RASGRP1: variants seen among roughly 807,000 people sequenced by gnomAD.
The protein encoded by RASGRP1 is RAS guanyl-releasing protein 1.
RASGRP1 carries 37 observed loss-of-function variants against 95.1 expected under a neutral mutation model. The observed-to-expected ratio is 0.39, with a 90% CI of 0.30 to 0.51. RASGRP1 has a LOEUF of 0.51. RASGRP1 is among the 20% of genes least tolerant of loss of function. The pLI is 0.80. For missense variants in RASGRP1, 711 were observed against 965.4 expected, an observed-to-expected ratio of 0.74 and a Z score of 3.49; for synonymous variants, 325 against 353.4, an observed-to-expected ratio of 0.92 and a Z score of 0.90.
chr15:38,523,497 T>G (rs1892077814), intron 3 of RASGRP1, among the ~76,000 whole-genome samples: 1 of 152,226 alleles, frequency 6.6e-6, no homozygotes, highest in Admixed American at 6.5e-5. Flanking sequence ...TAACATAAAG[T>G]CACAGTAAGC....
chr15:38,525,602 G>T (rs1296986753), intron 3 of RASGRP1, among the ~76,000 whole-genome samples: 1 of 152,274 alleles, frequency 6.6e-6, no homozygotes, highest in East Asian at 1.9e-4. Context: ...GAAACGCGGG[G>T]AATTAGGAGA....
In RASGRP1 at chr15:38,499,259, G is replaced by T. The variant is rs192042753; in HGVS notation, c.1721-313C>A. 306 of 458,094 alleles carry T rather than the reference G, an allele frequency of 6.7e-4. 1 individual carries two copies. Among genetic ancestry groups the T allele is most frequent in the Middle Eastern group, 2.6e-3 (7 of 2,666 alleles). The allele number at this position is 458,094 out of a possible 1,614,324, so 28.4% of individuals were successfully genotyped here. On this transcript the variant is annotated intron_variant, in intron 14 of 16. Transcript: ENST00000310803. Reference sequence around the variant, plus strand: ...TAGGGAGACCCTCCGGAAACACTCAGCTGTTAGGTCTTATTTTCTTTCTTG... The same window carrying T: ...TAGGGAGACCCTCCGGAAACACTCATCTGTTAGGTCTTATTTTCTTTCTTG...
At chr15:38,526,817 C>G (rs899801235) in intron 2 of RASGRP1, among the ~76,000 whole-genome samples, 2 of 152,100 alleles carry the variant, frequency 1.3e-5, no homozygotes, top group Non-Finnish European at 2.9e-5. Context: ...AATATCTTAC[C>G]TTTACAAATT....
intron 2 of RASGRP1, among the ~76,000 whole-genome samples, chr15:38,543,524 C>T (rs559130237): frequency 4.1e-4 from 60 of 146,068 alleles, no homozygotes; most frequent in Admixed American, 3.2e-3. Flanking sequence ...CCTTTCATGT[C>T]CATTTAAACT....
intron 16 of RASGRP1, among the ~76,000 whole-genome samples, chr15:38,491,268 C>G (rs1359529469): frequency 6.6e-6 from 1 of 152,114 alleles, no homozygotes; most frequent in African/African-American, 2.4e-5. Flanking sequence ...ACTGATTACT[C>G]CAAGAGAATA....
chr15:38,512,561 C>T (rs1891577406), intron 7 of RASGRP1, among the ~76,000 whole-genome samples: 1 of 152,164 alleles, frequency 6.6e-6, no homozygotes, highest in South Asian at 2.1e-4. Context: ...ATCCTGACCC[C>T]TGATATGGCC....
In RASGRP1 at chr15:38,535,847, C is replaced by T. The variant is rs547266646; in HGVS notation, c.221-9443G>A. Among the ~76,000 whole-genome samples, 4 of 152,294 alleles carry T rather than the reference C, an allele frequency of 2.6e-5. No homozygotes were observed. The South Asian group carries it at 6.2e-4, about 24-fold the overall frequency. ...TGGCCTTCCTTGGGGATTGCAGTCT[C>T]GATCTGGACTTGTCATGTCTGAAGA... On this transcript the variant is annotated intron_variant, in intron 2 of 16. Coordinates refer to ENST00000310803, the MANE Select transcript of RASGRP1 (RefSeq NM_005739.4).
rs769765288 is a variant in RASGRP1 at position 38,516,343 on chromosome 15, G to C, written c.529C>G (p.Arg177Gly). The part of the protein sequence containing the change: ...RLIDTTQINA[R>G]DWSRKLTQRI... ...TGAGTAAGTTTCCTGGACCAGTCAC[G>C]GGCATTGCTTTTGTGGGTAAATGTG... The change falls in exon 6 of 17, where the codon CGT becomes GGT. Residue 177 changes from arginine to glycine, a missense_variant. Coordinates refer to ENST00000310803, the MANE Select transcript of RASGRP1 (RefSeq NM_005739.4). The C allele has an allele frequency of 1.2e-6, 2 of 1,610,432 alleles. No individual in the cohort carries two copies. Among genetic ancestry groups the C allele is most frequent in the Non-Finnish European group, 1.7e-6 (2 of 1,176,782 alleles).
chr15:38,508,857 ACTGT>A (rs1891374265), intron 8 of RASGRP1, among the ~76,000 whole-genome samples: 1 of 152,194 alleles, frequency 6.6e-6, no homozygotes, highest in African/African-American at 2.4e-5. Context: ...ACATGAAGTG[ACTGT>A]CTGCCAATCA....
At position 38,489,565 on chromosome 15, in the gene RASGRP1, ACAGT is replaced by A. The variant is rs746542956; in HGVS notation, c.*985_*988del. 20 of 152,626 alleles carry A rather than the reference ACAGT, an allele frequency of 1.3e-4. No individual in the cohort carries two copies. Among genetic ancestry groups the A allele is most frequent in the African/African-American group, 3.1e-4 (13 of 41,578 alleles). The allele number at this position is 152,626 out of a possible 1,614,324, so 9.5% of individuals were successfully genotyped here. On this transcript the variant is annotated 3_prime_UTR_variant, in exon 17 of 17. Coordinates refer to ENST00000310803, the MANE Select transcript of RASGRP1 (RefSeq NM_005739.4). ...ATACATATTATATACATATGTACAC[ACAGT>A]CAGCTATTATTTAAGCCACTGATCC...
chr15:38,521,542 C>T (rs1892000716), intron 3 of RASGRP1, among the ~76,000 whole-genome samples: 1 of 152,114 alleles, frequency 6.6e-6, no homozygotes, highest in Non-Finnish European at 1.5e-5. Context: ...GCAAAGGCTG[C>T]CCCCCACAGG....
At chr15:38,493,744 A>T (rs2141075225) in intron 16 of RASGRP1, among the ~76,000 whole-genome samples, 1 of 152,312 alleles carries the variant, frequency 6.6e-6, no homozygotes, top group East Asian at 1.9e-4. Flanking sequence ...TGTGTAAAAG[A>T]TCAGCATATT....
In RASGRP1 at chr15:38,549,903, T is replaced by C. The variant is rs114392152; in HGVS notation, c.220+9918A>G. Among the ~76,000 whole-genome samples the C allele has an allele frequency of 5.4e-3, 820 of 152,222 alleles. 8 individuals carry two copies. The highest frequency in any genetic ancestry group is 0.018 in the African/African-American group (758 of 41,536). On this transcript the variant is annotated intron_variant, in intron 2 of 16. Coordinates refer to ENST00000310803, the MANE Select transcript of RASGRP1 (RefSeq NM_005739.4). ...TTCTGTGCTGCTGAAGAATCACAGA[T>C]GTACCAAATCTTTGTGCTTCTGCTA... is the stretch of plus-strand genomic sequence containing the variant.
intron 16 of RASGRP1, among the ~76,000 whole-genome samples, chr15:38,493,537 T>G (rs972485054): frequency 2.0e-5 from 3 of 152,202 alleles, no homozygotes; most frequent in Non-Finnish European, 4.4e-5. Flanking sequence ...TTCCAAACTC[T>G]TGGTCTCCTT....
chr15:38,501,503 A>C, intron 12 of RASGRP1: 1 of 701,322 alleles, frequency 1.4e-6, no homozygotes, highest in South Asian at 1.5e-5. Context: ...ATTTCCACAG[A>C]GGTGTTCTTT....
chr15:38,549,318 T>C (rs1009180099), intron 2 of RASGRP1, among the ~76,000 whole-genome samples: 3 of 152,236 alleles, frequency 2.0e-5, no homozygotes, highest in African/African-American at 7.2e-5. Flanking sequence ...CAGTGATTAA[T>C]TGCTCATCAG....
At chr15:38,520,287 C>T (rs1034647363) in intron 3 of RASGRP1, among the ~76,000 whole-genome samples, 2 of 152,154 alleles carry the variant, frequency 1.3e-5, no homozygotes, top group Non-Finnish European at 2.9e-5. Context: ...TCAGTGAATT[C>T]CAGCTGGGCC....
rs372521237 is a variant in RASGRP1, at chr15:38,511,652, G to T, written c.918C>A (p.Ile306=). The change falls in exon 8 of 17, where the codon ATC becomes ATA. Residue 306 remains isoleucine, a synonymous_variant. Transcript: ENST00000310803. ...AVIGGLCHSS[I]SRLKETSSHV... Reference sequence around the variant, plus strand: ...GCGAACTTGTCTCCTTGAGCCTCGAGATTGAGCTGTGACACAGCCCACCTA... The same window carrying T: ...GCGAACTTGTCTCCTTGAGCCTCGATATTGAGCTGTGACACAGCCCACCTA... 1.2e-6 allele frequency: 2 copies of T among 1,613,518 alleles called. No homozygotes were observed. The highest frequency in any genetic ancestry group is 1.7e-6 in the Non-Finnish European group (2 of 1,179,654).
intron 4 of RASGRP1, 48 bp downstream of exon 4, chr15:38,519,261 C>G (rs537708370): frequency 6.8e-7 from 1 of 1,472,124 alleles, no homozygotes; most frequent in Admixed American, 1.7e-5. Context: ...CTTCACCTTT[C>G]ATTTCACCTT....
Sources: gnomAD v4.1 joint callset for allele counts (sites outside exome capture counted in the v4.1 genomes callset) on GRCh38, gnomAD v4.1.1 for gene constraint, MANE v1.5 for transcripts, NCBI Gene and HGNC (gene_info 2026-07-23, HGNC 2026-07-21) for gene names.